SEMA5A: variants seen among roughly 807,000 people sequenced by gnomAD.
SEMA5A encodes the protein semaphorin 5A.
Under a neutral mutation model 135.5 loss-of-function variants are expected in SEMA5A, and 55 were observed. That is an observed-to-expected ratio of 0.41 (90% CI 0.33 to 0.51). SEMA5A has a LOEUF of 0.51. SEMA5A is among the 20% of genes least tolerant of loss of function. The pLI, the probability that SEMA5A is intolerant of heterozygous loss-of-function variation, is 0.37. For missense variants in SEMA5A, 1,290 were observed against 1,419.9 expected (o/e 0.91, Z 1.47); for synonymous variants, 580 against 546.5 (o/e 1.06, Z -0.85).
In SEMA5A at chr5:9,248,673, G is replaced by C. The variant is rs184751640; in HGVS notation, c.271-10783C>G. Among the ~76,000 whole-genome samples, 52 of 152,216 alleles carry C rather than the reference G, an allele frequency of 3.4e-4. No homozygotes were observed. The East Asian group carries it at 8.1e-3, about 24-fold the overall frequency. ...AACATCACTGAAAACATTCTCATAT[G>C]AAGCAGGCAGAGGAAGATGCGGAGC... On this transcript the variant is annotated intron_variant, in intron 5 of 22. Coordinates refer to ENST00000382496, the MANE Select transcript of SEMA5A (RefSeq NM_003966.3).
chr5:9,528,767 T>C (rs1737275945), intron 1 of SEMA5A, among the ~76,000 whole-genome samples: 1 of 152,210 alleles, frequency 6.6e-6, no homozygotes, highest in African/African-American at 2.4e-5. Flanking sequence ...CACTAAATTA[T>C]GGGAAAATTT....
At chr5:9,439,930 A>C (rs1758172145) in intron 1 of SEMA5A, among the ~76,000 whole-genome samples, 1 of 152,242 alleles carries the variant, frequency 6.6e-6, no homozygotes, top group Admixed American at 6.5e-5. Context: ...AAGGGTGTCC[A>C]CCCGAAAGGG....
At chr5:9,283,050 C>T (rs756220148) in intron 5 of SEMA5A, among the ~76,000 whole-genome samples, 49 of 152,272 alleles carry the variant, frequency 3.2e-4, no homozygotes, top group Non-Finnish European at 4.3e-4. Context: ...GCATCCAAAA[C>T]GGTAAGATAA....
chr5:9,154,322 G>A (rs1398593280), intron 12 of SEMA5A, among the ~76,000 whole-genome samples, 166 bp downstream of exon 12: 2 of 151,704 alleles, frequency 1.3e-5, no homozygotes, highest in Non-Finnish European at 2.9e-5. Context: ...TCATCACAGT[G>A]AATCTATTTT....
At chr5:9,134,530 T>C (rs1428861766) in intron 13 of SEMA5A, among the ~76,000 whole-genome samples, 1 of 152,344 alleles carries the variant, frequency 6.6e-6, no homozygotes, top group African/African-American at 2.4e-5. Flanking sequence ...TTCTGGCCCA[T>C]GAACTCCAGC....
At chr5:9,280,863 T>G in intron 5 of SEMA5A, 1 of 405,134 alleles carries the variant, frequency 2.5e-6, no homozygotes, top group Non-Finnish European at 4.9e-6. Context: ...CAAATAACAA[T>G]AAATAATTGT....
At position 9,430,103 on chromosome 5, in the gene SEMA5A, C is replaced by T. The variant is rs377512240; in HGVS notation, c.-78+7653G>A. On this transcript the variant is annotated intron_variant, in intron 2 of 22. Coordinates refer to ENST00000382496, the MANE Select transcript of SEMA5A (RefSeq NM_003966.3). ...ATTGGATATATGTTGAACAAAAAAACGAACAACAATAAGATTTGTTGACAG... is the reference window on the plus strand; with the variant it reads ...ATTGGATATATGTTGAACAAAAAAATGAACAACAATAAGATTTGTTGACAG... 9.2e-5 allele frequency among the ~76,000 whole-genome samples: 14 copies of T among 152,212 alleles called. No homozygotes were observed. In the East Asian group the frequency reaches 1.2e-3, roughly 13 times the overall value.
At chr5:9,476,599 C>T (rs2126767407) in intron 1 of SEMA5A, among the ~76,000 whole-genome samples, 1 of 152,272 alleles carries the variant, frequency 6.6e-6, no homozygotes, top group African/African-American at 2.4e-5. Context: ...GCTCAAACCA[C>T]CCTGGGCTCT....
At chr5:9,472,705 T>A (rs1386848381) in intron 1 of SEMA5A, among the ~76,000 whole-genome samples, 1 of 152,140 alleles carries the variant, frequency 6.6e-6, no homozygotes, top group Admixed American at 6.5e-5. Flanking sequence ...AAGCTGCATA[T>A]GTCCACTGTA....
chr5:9,209,905 AG>A (rs1266367776), intron 8 of SEMA5A, among the ~76,000 whole-genome samples: 17 of 152,382 alleles, frequency 1.1e-4, no homozygotes, highest in African/African-American at 3.8e-4. Flanking sequence ...GAAGGAAAGG[AG>A]GTAACATTAG....
intron 5 of SEMA5A, among the ~76,000 whole-genome samples, chr5:9,301,484 G>T (rs1316858774): frequency 6.6e-6 from 1 of 152,114 alleles, no homozygotes; most frequent in Non-Finnish European, 1.5e-5. Context: ...ATAAACTCAG[G>T]GAGTCAAAGT....
intron 1 of SEMA5A, among the ~76,000 whole-genome samples, chr5:9,544,979 C>T (rs934864007): frequency 2.0e-5 from 3 of 152,350 alleles, no homozygotes; most frequent in Admixed American, 6.5e-5. Flanking sequence ...GTGAAAGGGG[C>T]TCGCCTAGCT....
chr5:9,483,723 A>G (rs1759968836), intron 1 of SEMA5A, among the ~76,000 whole-genome samples: 1 of 152,220 alleles, frequency 6.6e-6, no homozygotes, highest in African/African-American at 2.4e-5. Context: ...AAACATTTTT[A>G]TATATCAAAA....
intron 4 of SEMA5A, among the ~76,000 whole-genome samples, chr5:9,331,889 TG>T (rs1469581588): frequency 1.3e-5 from 2 of 148,762 alleles, no homozygotes; most frequent in African/African-American, 5.2e-5. Flanking sequence ...GCCAAACAAA[TG>T]GTTCAAAATA....
intron 16 of SEMA5A, among the ~76,000 whole-genome samples, chr5:9,069,865 G>C (rs553757393): frequency 6.6e-6 from 1 of 152,248 alleles, no homozygotes; most frequent in East Asian, 1.9e-4. Context: ...TGAAAAGCCA[G>C]GCACAACGCG....
chr5:9,076,891 TG>T, intron 16 of SEMA5A, among the ~76,000 whole-genome samples: 1 of 151,862 alleles, frequency 6.6e-6, no homozygotes, highest in African/African-American at 2.4e-5. Flanking sequence ...TGTGTGTGTG[TG>T]TGTGTGTGTG....
chr5:9,387,608 T>C (rs1755953742), intron 2 of SEMA5A, among the ~76,000 whole-genome samples: 1 of 152,218 alleles, frequency 6.6e-6, no homozygotes, highest in South Asian at 2.1e-4. Flanking sequence ...GCCCACGGTG[T>C]GTTCAGGCCT....
chr5:9,321,586 G>A (rs1242484178), intron 4 of SEMA5A, among the ~76,000 whole-genome samples: 1 of 152,096 alleles, frequency 6.6e-6, no homozygotes, highest in East Asian at 1.9e-4. Context: ...CCATTCCCTA[G>A]GGTTGTTGTG....
chr5:9,323,664 T>C (rs1752733541), intron 4 of SEMA5A, among the ~76,000 whole-genome samples: 1 of 147,164 alleles, frequency 6.8e-6, no homozygotes, highest in Non-Finnish European at 1.5e-5. Context: ...TTCCTTTTTT[T>C]TTTTTTTTTT....
Sources: allele counts gnomAD v4.1 joint callset (sites outside exome capture counted in the v4.1 genomes callset), GRCh38; gene constraint gnomAD v4.1.1; transcripts MANE v1.5; gene names NCBI Gene and HGNC (gene_info 2026-07-23, HGNC 2026-07-21).